The following PCSK5 variants were observed in gnomAD, a reference collection of about 807,000 sequenced individuals.
The protein encoded by PCSK5 is prohormone convertase 5.
A neutral mutation model predicts 233.2 loss-of-function variants in PCSK5; 129 were observed. The observed-to-expected ratio is 0.55, with a 90% CI of 0.48 to 0.64. The LOEUF is 0.64. PCSK5 is among the 30% of genes least tolerant of loss of function. The pLI, the probability that PCSK5 is intolerant of heterozygous loss-of-function variation, is 0.00. For missense variants in PCSK5, 2,076 were observed against 2,430.1 expected (o/e 0.85, Z 3.06); for synonymous variants, 825 against 879.2 (o/e 0.94, Z 1.09).
At chr9:76,292,328 A>G in intron 25 of PCSK5, 53 bp downstream of exon 25, 1 of 1,108,230 alleles carries the variant, frequency 9.0e-7, no homozygotes, top group Admixed American at 1.7e-5. Flanking sequence ...TTTAAGCATT[A>G]CTGACATAAT....
At chr9:75,998,291 C>G (rs542133283) in intron 3 of PCSK5, among the ~76,000 whole-genome samples, 1 of 152,196 alleles carries the variant, frequency 6.6e-6, no homozygotes, top group East Asian at 1.9e-4. Context: ...ACTTTTCTTT[C>G]ATTACTGTGC....
intron 25 of PCSK5, among the ~76,000 whole-genome samples, chr9:76,294,218 T>C (rs1828367226): frequency 6.6e-6 from 1 of 151,136 alleles, no homozygotes; most frequent in Non-Finnish European, 1.5e-5. Flanking sequence ...AAAACAGTTG[T>C]TAAGGAAGAT....
At position 76,332,424 on chromosome 9, in the gene PCSK5, C is replaced by A; in HGVS notation, c.4571-9C>A. 6.2e-7 allele frequency: 1 copy of A among 1,605,124 alleles called. No homozygotes were observed. Among genetic ancestry groups the A allele is most frequent in the South Asian group, 1.1e-5 (1 of 90,160 alleles). On this transcript the variant is annotated splice_polypyrimidine_tract_variant and intron_variant, in intron 33 of 37. Coordinates refer to ENST00000674117, the MANE Select transcript of PCSK5 (RefSeq NM_001372043.1). ...GATGTCCAAATAGACATTTTTTCTC[C>A]CATGACAGACACAACCTGTGTGAAG...
intron 9 of PCSK5, among the ~76,000 whole-genome samples, chr9:76,131,644 T>C (rs1029440003): frequency 7.2e-5 from 11 of 152,272 alleles, no homozygotes; most frequent in Non-Finnish European, 1.2e-4. Context: ...ATACAGGTGC[T>C]TAAGGTATAA....
At chr9:76,201,656 T>G (rs1824919965) in intron 20 of PCSK5, among the ~76,000 whole-genome samples, 1 of 152,202 alleles carries the variant, frequency 6.6e-6, no homozygotes, top group Non-Finnish European at 1.5e-5. Flanking sequence ...ACATCATGCT[T>G]TGTGTGAACA....
intron 3 of PCSK5, among the ~76,000 whole-genome samples, chr9:75,991,028 A>G (rs558061850): frequency 6.6e-6 from 1 of 152,326 alleles, no homozygotes; most frequent in East Asian, 1.9e-4. Context: ...ATTTTGCCAC[A>G]CTTTCATGTG....
At chr9:76,047,360 T>C (rs950860879) in intron 5 of PCSK5, among the ~76,000 whole-genome samples, 1 of 152,168 alleles carries the variant, frequency 6.6e-6, no homozygotes, top group African/African-American at 2.4e-5. Flanking sequence ...CCTCCCAAAG[T>C]GCAAGGGAAA....
At chr9:76,318,578 G>A (rs1829101092) in intron 30 of PCSK5, among the ~76,000 whole-genome samples, 1 of 152,176 alleles carries the variant, frequency 6.6e-6, no homozygotes, top group Non-Finnish European at 1.5e-5. Context: ...CCACCAGTGA[G>A]TGATTTCTAC....
In PCSK5 at chr9:76,130,376, G is replaced by A. The variant is rs551700760; in HGVS notation, c.1209-3733G>A. Among the ~76,000 whole-genome samples the A allele has an allele frequency of 1.4e-4, 21 of 152,262 alleles. No individual in the cohort carries two copies. The South Asian group carries it at 3.1e-3, about 23-fold the overall frequency. ...GTCTCTGCTTCACCTTTGTGGATCC[G>A]TTTGGAAATAGTGTTATATGGTGAT... On this transcript the variant is annotated intron_variant, in intron 9 of 37. Coordinates refer to ENST00000674117, the MANE Select transcript of PCSK5 (RefSeq NM_001372043.1).
rs57063668 is a variant in PCSK5, at chr9:76,109,439, T to TAAA, written c.1208+2096_1208+2098dup. ...TATTACTGTAACACTATTATTTTTT[T>TAAA]AAAAAAAAAACAGTTCTTTTAATCA... On this transcript the variant is annotated intron_variant, in intron 9 of 37. Transcript: ENST00000674117. Among the ~76,000 whole-genome samples, 227 of 150,860 alleles carry TAAA rather than the reference T, an allele frequency of 1.5e-3. 2 individuals carry two copies. The highest frequency in any genetic ancestry group is 3.3e-3 in the African/African-American group (135 of 41,148).
chr9:76,052,839 T>C (rs1829679346), intron 5 of PCSK5, among the ~76,000 whole-genome samples: 1 of 152,204 alleles, frequency 6.6e-6, no homozygotes, highest in Non-Finnish European at 1.5e-5. Context: ...AGTTACTTCC[T>C]AGATAGAATG....
At chr9:76,174,158 T>C (rs2131193981) in intron 13 of PCSK5, among the ~76,000 whole-genome samples, 1 of 152,200 alleles carries the variant, frequency 6.6e-6, no homozygotes, top group East Asian at 1.9e-4. Flanking sequence ...AATAATCAAA[T>C]GTTTAATGGC....
At chr9:75,903,560 A>ATGTGTG (rs200020730) in intron 1 of PCSK5, among the ~76,000 whole-genome samples, 41,097 of 120,582 alleles carry the variant, frequency 0.34, 6,697 homozygotes, top group African/African-American at 0.44. Flanking sequence ...ATGTGTGTAT[A>ATGTGTG]TATGTGTGTG....
intron 5 of PCSK5, among the ~76,000 whole-genome samples, chr9:76,042,786 G>A (rs75817929): frequency 6.6e-6 from 1 of 152,274 alleles, no homozygotes; most frequent in African/African-American, 2.4e-5. Flanking sequence ...ACTTACTTAT[G>A]TACAAACTTA....
intron 10 of PCSK5, among the ~76,000 whole-genome samples, chr9:76,135,791 C>T (rs7865995): frequency 0.19 from 28,179 of 152,038 alleles, 2,908 homozygotes; most frequent in Middle Eastern, 0.33. Context: ...GTAGAAGGAT[C>T]ACAGACTAAG....
At chr9:76,235,598 G>C (rs1826228056) in intron 22 of PCSK5, among the ~76,000 whole-genome samples, 1 of 152,160 alleles carries the variant, frequency 6.6e-6, no homozygotes, top group African/African-American at 2.4e-5. Flanking sequence ...ATGATAGCAT[G>C]ATACTCATGT....
intron 2 of PCSK5, among the ~76,000 whole-genome samples, chr9:75,972,668 G>A (rs1825856874): frequency 6.6e-6 from 1 of 152,032 alleles, no homozygotes; most frequent in Admixed American, 6.6e-5. Context: ...TAATGATTTA[G>A]CTCTCTGCTT....
At chr9:76,056,960 A>G (rs529910696) in intron 5 of PCSK5, among the ~76,000 whole-genome samples, 1 of 152,318 alleles carries the variant, frequency 6.6e-6, no homozygotes, top group South Asian at 2.1e-4. Context: ...GGCATATGCA[A>G]GAGAGCTTAA....
chr9:76,334,053 G>C (rs1248235979), intron 34 of PCSK5, among the ~76,000 whole-genome samples: 1 of 152,172 alleles, frequency 6.6e-6, no homozygotes, highest in African/African-American at 2.4e-5. Context: ...CAGAAGGCAA[G>C]TAGGAGCAAG....
Sources: allele counts gnomAD v4.1 joint callset (sites outside exome capture counted in the v4.1 genomes callset), GRCh38; gene constraint gnomAD v4.1.1; transcripts MANE v1.5; gene names NCBI Gene and HGNC (gene_info 2026-07-23, HGNC 2026-07-21).